ADGRA3: variants seen among roughly 807,000 people sequenced by gnomAD.
ADGRA3 encodes G-protein coupled receptor 125.
A neutral mutation model predicts 119.8 loss-of-function variants in ADGRA3; 56 were observed. That is an observed-to-expected ratio of 0.47 (90% CI 0.38 to 0.58). ADGRA3 has a LOEUF of 0.58. Ranked by LOEUF, ADGRA3 falls within the 20% of genes least tolerant of loss-of-function variation. The pLI, the probability that ADGRA3 is intolerant of heterozygous loss-of-function variation, is 0.00. For missense variants in ADGRA3, 1,516 were observed against 1,649.0 expected (o/e 0.92, Z 1.40); for synonymous variants, 607 against 623.8 (o/e 0.97, Z 0.40).
chr4:22,477,174 T>G (rs1425763095), intron 1 of ADGRA3, among the ~76,000 whole-genome samples: 1 of 152,172 alleles, frequency 6.6e-6, no homozygotes, highest in African/African-American at 2.4e-5. Context: ...CCACATTTAT[T>G]TATTTATATT....
At position 22,438,287 on chromosome 4, in the gene ADGRA3, C is replaced by A. The variant is rs1716474718; in HGVS notation, c.1054G>T (p.Glu352Ter). The change falls in exon 8 of 19, where the codon GAG becomes TAG. Residue 352 changes from glutamate (E) to a stop codon, truncating the protein, a stop_gained. Transcript: ENST00000334304. LOFTEE classifies it high-confidence loss of function. ...LESSAQYCPP[E>*]RVVNNKGDFR... ...TCACCTTTGTTGTTTACCACCCTCTCTGGAGGACAGTACTGTGCAGAACTC... is the reference window on the plus strand; with the variant it reads ...TCACCTTTGTTGTTTACCACCCTCTATGGAGGACAGTACTGTGCAGAACTC... The A allele has an allele frequency of 6.2e-7, 1 of 1,611,608 alleles. No homozygotes were observed. The highest frequency in any genetic ancestry group is 1.3e-5 in the African/African-American group (1 of 74,862).
At chr4:22,390,331 TATATATAAAATA>T (rs1714063298) in intron 17 of ADGRA3, among the ~76,000 whole-genome samples, 1 of 133,346 alleles carries the variant, frequency 7.5e-6, no homozygotes, top group Non-Finnish European at 1.6e-5. Context: ...TATATATATA[TATATATAAAATA>T]CATATTATAT....
chr4:22,396,745 G>A (rs549703284), intron 16 of ADGRA3, among the ~76,000 whole-genome samples: 2 of 138,008 alleles, frequency 1.4e-5, no homozygotes, highest in Non-Finnish European at 3.1e-5. Flanking sequence ...AGAAGAGAAC[G>A]ACAATGAAAC....
intron 10 of ADGRA3, among the ~76,000 whole-genome samples, chr4:22,427,352 T>C (rs1419719730): frequency 6.6e-5 from 10 of 152,258 alleles, no homozygotes; most frequent in Middle Eastern, 3.4e-3. Flanking sequence ...TGAGATCTGA[T>C]GGGCACGTCA....
In ADGRA3 at chr4:22,515,679, C is replaced by G. The variant is rs1156517825; in HGVS notation, c.106G>C (p.Ala36Pro). ...ALLGGGGGGG[A>P]AALPAGCKHD... ...TTGCAGCCGGCGGGCAGCGCCGCGG[C>G]GCCGCCGCCGCCGCCGCCTCCCAGC... is the stretch of plus-strand genomic sequence containing the variant. The change falls in exon 1 of 19, where the codon GCC (alanine) becomes CCC (proline). Residue 36 changes from alanine to proline, a missense_variant. Physicochemically the swap from Ala to Pro is conservative, Grantham distance 27. This residue lies in a region of ADGRA3 where 428 missense variants were observed against 541.9 expected (regional missense o/e 0.79). Coordinates refer to ENST00000334304, the MANE Select transcript of ADGRA3 (RefSeq NM_145290.4). 1.2e-5 allele frequency: 13 copies of G among 1,091,552 alleles called. No homozygotes were observed. Among genetic ancestry groups the G allele is most frequent in the Non-Finnish European group, 1.4e-5 (13 of 900,690 alleles). 67.6% of individuals were successfully genotyped at this position (1,091,552 alleles called of 1,614,324 possible). A position where few individuals can be genotyped will look rare whatever the true frequency, so the allele number is the denominator to read the frequency against.
Position 22,388,534 on chromosome 4 carries a change from T to C in ADGRA3, c.3137A>G (p.His1046Arg). 6.2e-7 allele frequency: 1 copy of C among 1,614,072 alleles called. No individual in the cohort carries two copies. The highest frequency in any genetic ancestry group is 1.3e-5 in the African/African-American group (1 of 75,014). ...LSFSAFFVVH[H>R]CVNREDVRLA... ...TCTAACATCCTCCCTATTAACACAATGGTGGACCACGAAGAACGCACTGAA... is the reference window on the plus strand; with the variant it reads ...TCTAACATCCTCCCTATTAACACAACGGTGGACCACGAAGAACGCACTGAA... Residue 1046 changes from histidine (H) to arginine (R), a missense_variant, in exon 19 of 19, where the codon CAT becomes CGT. Coordinates refer to ENST00000334304, the MANE Select transcript of ADGRA3 (RefSeq NM_145290.4).
At chr4:22,402,115 G>C (rs189442842) in intron 15 of ADGRA3, among the ~76,000 whole-genome samples, 193 of 152,180 alleles carry the variant, frequency 1.3e-3, no homozygotes, top group Non-Finnish European at 2.5e-3. Flanking sequence ...CTAGCAAAAC[G>C]TTTTGTAAAG....
chr4:22,434,561 ATAAT>A (rs1716318036), intron 10 of ADGRA3, among the ~76,000 whole-genome samples: 1 of 152,208 alleles, frequency 6.6e-6, no homozygotes, highest in Non-Finnish European at 1.5e-5. Flanking sequence ...CTCTACCTCT[ATAAT>A]TAATTTCTTT....
chr4:22,445,156 A>G (rs1487799686), intron 5 of ADGRA3, 23 bp from the exon 6 acceptor site: 1 of 1,608,256 alleles, frequency 6.2e-7, no homozygotes, highest in African/African-American at 1.3e-5. Context: ...AATACAACTT[A>G]GAGATTATAG....
At chr4:22,496,303 T>G (rs903518680) in intron 1 of ADGRA3, among the ~76,000 whole-genome samples, 1 of 152,186 alleles carries the variant, frequency 6.6e-6, no homozygotes, top group Admixed American at 6.6e-5. Context: ...GGGAACTTAA[T>G]GAGCTTCTGT....
intron 16 of ADGRA3, chr4:22,398,101 T>G: frequency 4.1e-6 from 4 of 985,380 alleles, no homozygotes; most frequent in Non-Finnish European, 4.8e-6. Context: ...TCATCTGACT[T>G]CTTGTAGGCA....
At chr4:22,409,712 T>C (rs1715110125) in intron 14 of ADGRA3, among the ~76,000 whole-genome samples, 1 of 152,180 alleles carries the variant, frequency 6.6e-6, no homozygotes, top group Admixed American at 6.5e-5. Flanking sequence ...ATCACCATCA[T>C]AGTTAAGAAA....
intron 7 of ADGRA3, among the ~76,000 whole-genome samples, chr4:22,440,434 G>A (rs1716566638): frequency 6.6e-6 from 1 of 152,054 alleles, no homozygotes; most frequent in Admixed American, 6.5e-5. Context: ...AGGAATCTCA[G>A]ATTAACCAAT....
intron 11 of ADGRA3, among the ~76,000 whole-genome samples, chr4:22,423,939 ATTAAC>A (rs1372156792): frequency 2.6e-5 from 4 of 152,276 alleles, no homozygotes; most frequent in African/African-American, 4.8e-5. Flanking sequence ...CAAAAGCAAA[ATTAAC>A]TTATAAAATG....
chr4:22,398,803 T>A (rs928641519), intron 16 of ADGRA3, among the ~76,000 whole-genome samples: 3 of 152,180 alleles, frequency 2.0e-5, no homozygotes, highest in African/African-American at 7.2e-5. Flanking sequence ...GCATTTGGGT[T>A]GCTTCCAGGT....
intron 16 of ADGRA3, chr4:22,393,005 C>A: frequency 4.9e-6 from 1 of 205,530 alleles, no homozygotes; most frequent in Non-Finnish European, 9.6e-6. Context: ...ATAGATGTGA[C>A]ATTATACATT....
chr4:22,498,349 T>C (rs1718919612), intron 1 of ADGRA3, among the ~76,000 whole-genome samples: 1 of 152,116 alleles, frequency 6.6e-6, no homozygotes, highest in Non-Finnish European at 1.5e-5. Context: ...CCGGGTGCAG[T>C]GGCTCACACC....
Position 22,413,829 on chromosome 4 carries a change from A to T in ADGRA3, c.1810-15T>A, listed in dbSNP as rs573421081. On this transcript the variant is annotated splice_polypyrimidine_tract_variant and intron_variant, in intron 12 of 18. Transcript: ENST00000334304. The stretch of plus-strand genomic sequence containing the variant: ...ACAATAGTATTCTGAAAAAATATAT[A>T]TACATAAAAAAAGCTCACTACATTA... 188 of 1,555,890 alleles carry T rather than the reference A, an allele frequency of 1.2e-4. 1 individual carries two copies. In the South Asian group the frequency reaches 2.0e-3, roughly 16 times the overall value.
intron 10 of ADGRA3, among the ~76,000 whole-genome samples, chr4:22,426,938 T>C (rs1351144646): frequency 1.3e-5 from 2 of 152,174 alleles, no homozygotes; most frequent in Admixed American, 6.5e-5. Context: ...TCTGGAGTTA[T>C]AAAGAAGGGT....
Sources: allele counts gnomAD v4.1 joint callset (sites outside exome capture counted in the v4.1 genomes callset), GRCh38; gene constraint gnomAD v4.1.1; regional missense constraint gnomAD v4.1.1; transcripts MANE v1.5; gene names NCBI Gene and HGNC (gene_info 2026-07-23, HGNC 2026-07-21).